Variants in PLCB1 observed in about 807,000 individuals in gnomAD.
PLCB1 encodes the protein phospholipase C beta 1.
PLCB1 carries 46 observed loss-of-function variants against 161.8 expected under a neutral mutation model. The observed-to-expected ratio is 0.28, with a 90% CI of 0.22 to 0.36. PLCB1 has a LOEUF of 0.36. Ranked by LOEUF, PLCB1 falls within the 10% of genes least tolerant of loss-of-function variation. PLCB1 has a pLI of 1.00. For missense variants in PLCB1, 1,016 were observed against 1,472.5 expected, an observed-to-expected ratio of 0.69 and a Z score of 5.07; for synonymous variants, 517 against 503.7, an observed-to-expected ratio of 1.03 and a Z score of -0.35.
At chr20:8,743,244 T>C (rs1980974953) in intron 23 of PLCB1, among the ~76,000 whole-genome samples, 1 of 152,220 alleles carries the variant, frequency 6.6e-6, no homozygotes, top group African/African-American at 2.4e-5. Context: ...GTGGGGTTTT[T>C]TTGAGGGTTT....
chr20:8,458,680 T>G (rs980485590), intron 3 of PLCB1, among the ~76,000 whole-genome samples: 3 of 152,218 alleles, frequency 2.0e-5, no homozygotes, highest in Non-Finnish European at 4.4e-5. Flanking sequence ...CCTGCTTACC[T>G]TATTTACATT....
intron 3 of PLCB1, among the ~76,000 whole-genome samples, chr20:8,377,806 A>G (rs1013470602): frequency 6.6e-6 from 1 of 152,190 alleles, no homozygotes; most frequent in Non-Finnish European, 1.5e-5. Context: ...TTGGTTCTGG[A>G]TATTTAAATG....
At chr20:8,242,130 T>C (rs751999931) in intron 2 of PLCB1, among the ~76,000 whole-genome samples, 1 of 151,998 alleles carries the variant, frequency 6.6e-6, no homozygotes, top group Non-Finnish European at 1.5e-5. Context: ...GTCTCTTCTT[T>C]CTCCCTTGAC....
intron 3 of PLCB1, among the ~76,000 whole-genome samples, chr20:8,527,633 C>T (rs1445332744): frequency 6.6e-6 from 1 of 152,022 alleles, no homozygotes. Context: ...AGGCATAGTA[C>T]AGTCTGGAAG....
intron 31 of PLCB1, among the ~76,000 whole-genome samples, chr20:8,853,171 C>T (rs2146304174): frequency 6.6e-6 from 1 of 152,056 alleles, no homozygotes; most frequent in South Asian, 2.1e-4. Context: ...GAAATAAATC[C>T]AATAGTATGC....
At chr20:8,718,225 A>C (rs1450069407) in intron 14 of PLCB1, among the ~76,000 whole-genome samples, 1 of 152,126 alleles carries the variant, frequency 6.6e-6, no homozygotes, top group African/African-American at 2.4e-5. Flanking sequence ...TCTCAAAAAA[A>C]AAAGAATTTG....
intron 31 of PLCB1, among the ~76,000 whole-genome samples, chr20:8,877,174 T>A (rs1407235765): frequency 1.3e-5 from 2 of 152,196 alleles, no homozygotes; most frequent in Non-Finnish European, 2.9e-5. Flanking sequence ...TTAGATAGTA[T>A]GATGCTGAAC....
chr20:8,751,295 CTAATAGCCCAG>C (rs1981467954), intron 23 of PLCB1: 1 of 157,358 alleles, frequency 6.4e-6, no homozygotes, highest in Admixed American at 6.3e-5. Context: ...TCCAACACCT[CTAATAGCCCAG>C]TAATACATAT....
chr20:8,758,355 T>C (rs1342454219), intron 24 of PLCB1, among the ~76,000 whole-genome samples: 1 of 151,860 alleles, frequency 6.6e-6, no homozygotes, highest in Non-Finnish European at 1.5e-5. Flanking sequence ...TTGAGGCAGG[T>C]GGATCACTTG....
chr20:8,856,283 A>G (rs73600212), intron 31 of PLCB1, among the ~76,000 whole-genome samples: 1 of 152,168 alleles, frequency 6.6e-6, no homozygotes, highest in East Asian at 1.9e-4. Context: ...TTGAAATATG[A>G]TAATGTAAGT....
chr20:8,792,794 T>A (rs1203563396), intron 31 of PLCB1: 5 of 365,940 alleles, frequency 1.4e-5, no homozygotes, highest in Admixed American at 3.7e-5. Context: ...CTGTTAACAT[T>A]GTAGGACATG....
chr20:8,319,296 G>A (rs1197482936), intron 2 of PLCB1, among the ~76,000 whole-genome samples: 1 of 152,078 alleles, frequency 6.6e-6, no homozygotes, highest in East Asian at 1.9e-4. Context: ...ATTTGAGTGG[G>A]GATCACCTGG....
At chr20:8,241,455 T>G (rs1980607279) in intron 2 of PLCB1, among the ~76,000 whole-genome samples, 1 of 151,916 alleles carries the variant, frequency 6.6e-6, no homozygotes. Context: ...ATCGAGTGAA[T>G]TTTTGGAAAA....
At chr20:8,543,224 G>T (rs1985402561) in intron 3 of PLCB1, among the ~76,000 whole-genome samples, 1 of 152,142 alleles carries the variant, frequency 6.6e-6, no homozygotes. Flanking sequence ...AGGAAAATAG[G>T]AAGAGTTTGG....
At chr20:8,778,266 A>C (rs776385026) in intron 27 of PLCB1, among the ~76,000 whole-genome samples, 1 of 152,172 alleles carries the variant, frequency 6.6e-6, no homozygotes, top group Non-Finnish European at 1.5e-5. Context: ...AAACATCCCA[A>C]GAAGACCTCT....
chr20:8,363,027 T>C (rs1986594547), intron 2 of PLCB1, among the ~76,000 whole-genome samples: 1 of 152,194 alleles, frequency 6.6e-6, no homozygotes, highest in Non-Finnish European at 1.5e-5. Flanking sequence ...TTATAGTAAT[T>C]GTTTCTGTTT....
chr20:8,507,184 T>G (rs560188728), intron 3 of PLCB1, among the ~76,000 whole-genome samples: 42 of 152,182 alleles, frequency 2.8e-4, no homozygotes, highest in Admixed American at 8.5e-4. Context: ...ATAAAGGTCT[T>G]CATCCTGTTT....
intron 3 of PLCB1, among the ~76,000 whole-genome samples, chr20:8,484,355 T>G (rs6417664): frequency 0.51 from 77,041 of 150,040 alleles, 20,888 homozygotes; most frequent in East Asian, 0.66. Context: ...AGCTGCTGCT[T>G]CTTCTTCTTC....
chr20:8,489,085 A>T (rs1196692566), intron 3 of PLCB1, among the ~76,000 whole-genome samples: 1 of 152,202 alleles, frequency 6.6e-6, no homozygotes, highest in African/African-American at 2.4e-5. Flanking sequence ...TATTCCTCGT[A>T]TACTTATTGA....
Sources: gnomAD v4.1 joint callset for allele counts (sites outside exome capture counted in the v4.1 genomes callset) on GRCh38, gnomAD v4.1.1 for gene constraint, MANE v1.5 for transcripts, NCBI Gene and HGNC (gene_info 2026-07-23, HGNC 2026-07-21) for gene names.